FRMD3: variants seen among roughly 807,000 people sequenced by gnomAD.
The protein encoded by FRMD3 is FERM domain-containing protein 3.
A neutral mutation model predicts 70.2 loss-of-function variants in FRMD3; 33 were observed. The observed-to-expected ratio is 0.47, with a 90% confidence interval of 0.36 to 0.63. The LOEUF is 0.63. FRMD3 is among the 20% of genes least tolerant of loss of function. The pLI is 0.00. For synonymous variants in FRMD3, 279 were observed against 255.9 expected, an observed-to-expected ratio of 1.09 and a Z score of -0.86; for missense variants, 632 against 711.4, an observed-to-expected ratio of 0.89 and a Z score of 1.27.
At chr9:83,323,453 C>T (rs969010183) in intron 6 of FRMD3, among the ~76,000 whole-genome samples, 3 of 152,078 alleles carry the variant, frequency 2.0e-5, no homozygotes, top group Non-Finnish European at 4.4e-5. Context: ...AAACTTAATC[C>T]CCAAAGTCAC....
chr9:83,363,955 A>G (rs1396452128), intron 3 of FRMD3, among the ~76,000 whole-genome samples: 1 of 152,184 alleles, frequency 6.6e-6, no homozygotes, highest in Non-Finnish European at 1.5e-5. Flanking sequence ...CCTCATCCTC[A>G]TCACCTGGAT....
intron 3 of FRMD3, among the ~76,000 whole-genome samples, chr9:83,352,715 C>T (rs1029409806): frequency 6.6e-6 from 1 of 152,196 alleles, no homozygotes; most frequent in Admixed American, 6.5e-5. Flanking sequence ...GGCCCCTCCA[C>T]CCTAAGTAGA....
chr9:83,343,960 TAGAA>T (rs923598908), intron 4 of FRMD3, among the ~76,000 whole-genome samples: 1 of 152,238 alleles, frequency 6.6e-6, no homozygotes, highest in African/African-American at 2.4e-5. Flanking sequence ...AGCAGCTCCC[TAGAA>T]AGGGGGCAGC....
At chr9:83,409,033 A>G (rs1189242789) in intron 1 of FRMD3, among the ~76,000 whole-genome samples, 2 of 152,098 alleles carry the variant, frequency 1.3e-5, no homozygotes, top group Non-Finnish European at 2.9e-5. Context: ...TAAATTACAT[A>G]CACCTCTCTA....
intron 1 of FRMD3, among the ~76,000 whole-genome samples, chr9:83,494,013 A>G (rs1482764133): frequency 3.3e-5 from 5 of 152,036 alleles, no homozygotes; most frequent in African/African-American, 1.2e-4. Context: ...GCCACTTCCA[A>G]CTCTTCCCTT....
At chr9:83,540,338 T>C (rs938688094), upstream of FRMD3, among the ~76,000 whole-genome samples, 28 of 151,778 alleles carry the variant, frequency 1.8e-4, no homozygotes, top group African/African-American at 6.8e-4. Flanking sequence ...TCCAAAAGAG[T>C]CATATCAATA....
Position 83,305,057 on chromosome 9 carries a change from C to T in FRMD3, c.926+4479G>A, listed in dbSNP as rs557126846. ...CGCAAGCAGAGGCCCCGGGCCTCCC[C>T]GCTCCCATGCAGGTGAAGTAAAAAT... On this transcript the variant is annotated intron_variant, in intron 10 of 13. Transcript: ENST00000304195. 8.3e-4 allele frequency among the ~76,000 whole-genome samples: 126 copies of T among 152,298 alleles called. 1 individual carries two copies. Among genetic ancestry groups the T allele is most frequent in the African/African-American group, 2.9e-3 (119 of 41,566 alleles).
chr9:83,446,168 GCAGCACAA>G (rs1827454187), intron 1 of FRMD3, among the ~76,000 whole-genome samples: 1 of 143,408 alleles, frequency 7.0e-6, no homozygotes, highest in South Asian at 2.4e-4. Flanking sequence ...TCGTGTGTAT[GCAGCACAA>G]CAGCAAGAAA....
At chr9:83,390,428 A>G (rs1825636427) in intron 1 of FRMD3, among the ~76,000 whole-genome samples, 1 of 152,182 alleles carries the variant, frequency 6.6e-6, no homozygotes, top group Non-Finnish European at 1.5e-5. Flanking sequence ...TGGTCCTCAG[A>G]GCCACTGCAT....
intron 3 of FRMD3, among the ~76,000 whole-genome samples, chr9:83,352,639 G>A (rs1824198847): frequency 6.6e-6 from 1 of 152,148 alleles, no homozygotes; most frequent in South Asian, 2.1e-4. Context: ...GGCCTTCTGA[G>A]TCTTCCCTAA....
chr9:83,401,611 A>T (rs561407855), intron 1 of FRMD3, among the ~76,000 whole-genome samples: 12 of 152,348 alleles, frequency 7.9e-5, no homozygotes, highest in Admixed American at 7.8e-4. Flanking sequence ...GCCAATGAAT[A>T]TTAGCAGGGG....
At chr9:83,387,429 C>G (rs1825543703) in intron 2 of FRMD3, among the ~76,000 whole-genome samples, 2 of 152,140 alleles carry the variant, frequency 1.3e-5, no homozygotes, top group African/African-American at 4.8e-5. Context: ...CCTTAGTTTC[C>G]CCCTTCCTTA....
At chr9:83,352,463 G>A (rs551502436) in intron 3 of FRMD3, among the ~76,000 whole-genome samples, 1 of 152,244 alleles carries the variant, frequency 6.6e-6, no homozygotes, top group Admixed American at 6.5e-5. Flanking sequence ...AAAGGATCAG[G>A]CAATGAGGCC....
At chr9:83,249,513 T>C (rs887055629) in intron 13 of FRMD3, among the ~76,000 whole-genome samples, 8 of 152,212 alleles carry the variant, frequency 5.3e-5, no homozygotes, top group African/African-American at 1.9e-4. Flanking sequence ...ATAAACCAGC[T>C]TTTAATGAAT....
Position 83,531,325 on chromosome 9 carries a change from A to G in FRMD3, c.147+6760T>C, listed in dbSNP as rs528516106. ...TAGTTAAAAGAATTCTAGCTGATAC[A>G]CCGTCAATGTGCAGCTAATATTATT... On this transcript the variant is annotated intron_variant, in intron 1 of 13. Transcript: ENST00000304195. Among the ~76,000 whole-genome samples the G allele has an allele frequency of 1.8e-3, 274 of 152,356 alleles. 2 individuals carry two copies. Among genetic ancestry groups the G allele is most frequent in the African/African-American group, 6.5e-3 (271 of 41,574 alleles).
At chr9:83,475,173 G>C (rs989437504) in intron 1 of FRMD3, among the ~76,000 whole-genome samples, 2 of 152,100 alleles carry the variant, frequency 1.3e-5, no homozygotes, top group African/African-American at 2.4e-5. Flanking sequence ...AACAGAAACA[G>C]ATTCACAGGT....
At chr9:83,323,162 C>G (rs1210714802) in intron 6 of FRMD3, among the ~76,000 whole-genome samples, 1 of 152,218 alleles carries the variant, frequency 6.6e-6, no homozygotes, top group Non-Finnish European at 1.5e-5. Flanking sequence ...TATAATACAG[C>G]AATTCCACTC....
downstream of FRMD3, among the ~76,000 whole-genome samples, chr9:83,243,889 G>A (rs965388351): frequency 1.3e-5 from 2 of 152,116 alleles, no homozygotes; most frequent in African/African-American, 4.8e-5. Context: ...ACCTGTCAAG[G>A]CTACGCTGGG....
At chr9:83,292,286 G>A (rs1265602913) in intron 12 of FRMD3, among the ~76,000 whole-genome samples, 1 of 151,738 alleles carries the variant, frequency 6.6e-6, no homozygotes, top group Non-Finnish European at 1.5e-5. Context: ...AGCCTCGCGA[G>A]TAGCTGGGAT....
Sources: gnomAD v4.1 joint callset for allele counts (sites outside exome capture counted in the v4.1 genomes callset) on GRCh38, gnomAD v4.1.1 for gene constraint, MANE v1.5 for transcripts, NCBI Gene and HGNC (gene_info 2026-07-23, HGNC 2026-07-21) for gene names.